BCAR3: variants seen among roughly 807,000 people sequenced by gnomAD.
BCAR3 encodes BCAR3 adaptor protein, NSP family member.
Under a neutral mutation model 80.1 loss-of-function variants are expected in BCAR3, and 37 were observed. That is an observed-to-expected ratio of 0.46 (90% CI 0.36 to 0.61). The LOEUF (loss-of-function observed/expected upper bound fraction) is 0.61. BCAR3 is among the 20% of genes least tolerant of loss of function. BCAR3 has a pLI of 0.00. For synonymous variants in BCAR3, 389 were observed against 418.9 expected (o/e 0.93, Z 0.87); for missense variants, 978 against 1,068.2 (o/e 0.92, Z 1.18).
intron 2 of BCAR3, among the ~76,000 whole-genome samples, chr1:93,643,654 T>G (rs1161793772): frequency 6.9e-6 from 1 of 144,150 alleles, no homozygotes; most frequent in East Asian, 2.0e-4. Context: ...AATGGGGAGA[T>G]GTAGGTCAAA....
chr1:93,691,673 C>G (rs1301447813), intron 3 of BCAR3, among the ~76,000 whole-genome samples: 1 of 151,990 alleles, frequency 6.6e-6, no homozygotes. Flanking sequence ...AGGCAGAGCC[C>G]AGGAAGGAAT....
intron 3 of BCAR3, among the ~76,000 whole-genome samples, chr1:93,606,696 A>G (rs1393528471): frequency 6.6e-6 from 1 of 152,124 alleles, no homozygotes; most frequent in Non-Finnish European, 1.5e-5. Flanking sequence ...AGTCCTCAGT[A>G]TAGAGGGGTA....
At chr1:93,638,460 C>T (rs555266464) in intron 3 of BCAR3, among the ~76,000 whole-genome samples, 4 of 152,180 alleles carry the variant, frequency 2.6e-5, no homozygotes, top group East Asian at 3.9e-4. Context: ...TGTGTTTTAA[C>T]GAAGTAAAAA....
chr1:93,843,004 G>A (rs1300834781), intron 2 of BCAR3, among the ~76,000 whole-genome samples: 1 of 152,158 alleles, frequency 6.6e-6, no homozygotes, highest in Non-Finnish European at 1.5e-5. Flanking sequence ...GTAGATTTTA[G>A]GATGAAAAAG....
intron 2 of BCAR3, among the ~76,000 whole-genome samples, chr1:93,776,808 TTA>T (rs1652567867): frequency 6.6e-6 from 1 of 152,222 alleles, no homozygotes; most frequent in African/African-American, 2.4e-5. Flanking sequence ...AAATAAAGTC[TTA>T]TGTCTTCCTA....
intron 2 of BCAR3, among the ~76,000 whole-genome samples, chr1:93,765,006 C>T (rs1652096906): frequency 6.6e-6 from 1 of 152,174 alleles, no homozygotes; most frequent in South Asian, 2.1e-4. Context: ...AAGGATTGAG[C>T]TCCCCTGCTC....
chr1:93,586,340 T>C lies in BCAR3; in HGVS notation c.930-2219A>G, dbSNP rs1184683281. Among the ~76,000 whole-genome samples, 3 of 152,226 alleles carry C rather than the reference T, an allele frequency of 2.0e-5. No individual in the cohort carries two copies. Among genetic ancestry groups the C allele is most frequent in the Non-Finnish European group, 4.4e-5 (3 of 68,040 alleles). ...TGTGTCTGGCTTATTTCACTTAACA[T>C]AATGATCTCCAATTCCATCCACGTG... On this transcript the variant is annotated intron_variant, in intron 5 of 11. Coordinates refer to ENST00000260502, the MANE Select transcript of BCAR3 (RefSeq NM_003567.4). The surrounding 1 kb of genome is among the most constrained non-coding windows in gnomAD (Gnocchi z 4.2).
At chr1:93,647,826 G>A (rs1676191519) in intron 2 of BCAR3, among the ~76,000 whole-genome samples, 1 of 151,900 alleles carries the variant, frequency 6.6e-6, no homozygotes, top group Admixed American at 6.6e-5. Flanking sequence ...AGGCTAGAGT[G>A]CAATGGTGTG....
intron 9 of BCAR3, chr1:93,571,462 C>G (rs1673211444): frequency 3.7e-6 from 2 of 543,898 alleles, no homozygotes; most frequent in Non-Finnish European, 6.4e-6. Context: ...TGTGCCACTG[C>G]TAGCCTAGGT....
At chr1:93,573,353 C>T (rs769145746) in intron 8 of BCAR3, among the ~76,000 whole-genome samples, 48 of 152,032 alleles carry the variant, frequency 3.2e-4, no homozygotes, top group Non-Finnish European at 6.5e-4. Context: ...GCAGATTGCG[C>T]CACTGCACTC....
intron 7 of BCAR3, among the ~76,000 whole-genome samples, chr1:93,576,767 C>T (rs1349343008): frequency 6.6e-6 from 1 of 152,250 alleles, no homozygotes; most frequent in Non-Finnish European, 1.5e-5. Context: ...CAACCCATCT[C>T]AATTCTAGTA....
chr1:93,702,398 C>G (rs1439523476), intron 3 of BCAR3, among the ~76,000 whole-genome samples: 1 of 152,168 alleles, frequency 6.6e-6, no homozygotes, highest in Non-Finnish European at 1.5e-5. Context: ...CTGACTGTTC[C>G]CCCAACTTAT....
chr1:93,648,063 C>T (rs1452138310), intron 2 of BCAR3, among the ~76,000 whole-genome samples: 4 of 152,114 alleles, frequency 2.6e-5, no homozygotes, highest in African/African-American at 7.2e-5. Flanking sequence ...TGTGAGCCAC[C>T]GCGCCTGGGT....
At chr1:93,753,236 C>A (rs1217211913) in intron 2 of BCAR3, 1 of 152,192 alleles carries the variant, frequency 6.6e-6, no homozygotes, top group East Asian at 1.9e-4. Context: ...AAATCCAGAT[C>A]ATGTGTTTCC....
chr1:93,620,936 C>G lies in BCAR3; in HGVS notation c.357+21368G>C, dbSNP rs573324658. ...TCAAGTCCCTAATGGCAGGAATCTG[C>G]CAGAGTTACAGTGCATTCTTCTAAA... On this transcript the variant is annotated intron_variant, in intron 3 of 11. Coordinates refer to ENST00000260502, the MANE Select transcript of BCAR3 (RefSeq NM_003567.4). Among the ~76,000 whole-genome samples, 101 of 152,310 alleles carry G rather than the reference C, an allele frequency of 6.6e-4. 1 individual carries two copies. The highest frequency in any genetic ancestry group is 2.3e-3 in the African/African-American group (95 of 41,562).
chr1:93,724,440 A>G (rs768914518), intron 2 of BCAR3, among the ~76,000 whole-genome samples: 1 of 152,226 alleles, frequency 6.6e-6, no homozygotes, highest in Non-Finnish European at 1.5e-5. Context: ...ACTCCCAAGG[A>G]ATAGACGCCA....
At chr1:93,755,035 G>A (rs573298227) in intron 2 of BCAR3, among the ~76,000 whole-genome samples, 69 of 152,120 alleles carry the variant, frequency 4.5e-4, no homozygotes, top group African/African-American at 1.4e-3. Context: ...GAGGCTAATC[G>A]TGTGTGCTTG....
At chr1:93,716,754 G>A (rs1321531859) in intron 2 of BCAR3, among the ~76,000 whole-genome samples, 3 of 152,148 alleles carry the variant, frequency 2.0e-5, no homozygotes, top group African/African-American at 7.2e-5. Context: ...ATTATCTAAG[G>A]GAAAGGAACT....
intron 2 of BCAR3, among the ~76,000 whole-genome samples, chr1:93,841,619 T>C (rs892748836): frequency 1.6e-4 from 24 of 152,212 alleles, no homozygotes; most frequent in African/African-American, 5.8e-4. Context: ...CTGCCTCAGT[T>C]TTCCTTCATG....
Sources: gnomAD v4.1 joint callset for allele counts (sites outside exome capture counted in the v4.1 genomes callset) on GRCh38, gnomAD v4.1.1 for gene constraint, Gnocchi (gnomAD v3.1) non-coding constraint, MANE v1.5 for transcripts, NCBI Gene and HGNC (gene_info 2026-07-23, HGNC 2026-07-21) for gene names.